Variants in SNTB1 observed in about 807,000 individuals in gnomAD.
SNTB1 encodes the protein syntrophin beta 1.
SNTB1 carries 36 observed loss-of-function variants against 48.9 expected under a neutral mutation model. That is an observed-to-expected ratio of 0.74 (90% CI 0.56 to 0.97). The LOEUF (loss-of-function observed/expected upper bound fraction) is 0.97, where lower values mean the gene tolerates loss of function less well. Among genes scored for constraint, SNTB1 ranks in the 50% least tolerant of loss-of-function variants. SNTB1 has a pLI of 0.00. For synonymous variants in SNTB1, 299 were observed against 294.6 expected (o/e 1.01, Z -0.15); for missense variants, 786 against 703.4 (o/e 1.12, Z -1.33).
chr8:120,609,586 C>A (rs1306611901), intron 3 of SNTB1, among the ~76,000 whole-genome samples: 2 of 152,032 alleles, frequency 1.3e-5, no homozygotes, highest in Non-Finnish European at 2.9e-5. Flanking sequence ...CCAAGCCCTG[C>A]AGAACCACCT....
At chr8:120,613,340 C>A (rs1296566132) in intron 3 of SNTB1, among the ~76,000 whole-genome samples, 1 of 116,932 alleles carries the variant, frequency 8.6e-6, no homozygotes, top group African/African-American at 3.3e-5. Context: ...AACAAGAGTG[C>A]AGCTCCATCT....
At chr8:120,810,473 A>AG (rs933506932) in intron 1 of SNTB1, among the ~76,000 whole-genome samples, 109 of 152,346 alleles carry the variant, frequency 7.2e-4, no homozygotes, top group African/African-American at 2.5e-3. Flanking sequence ...CTTCGCACGC[A>AG]GGGGAAACTG....
At chr8:120,640,034 T>G (rs1015089624) in intron 2 of SNTB1, among the ~76,000 whole-genome samples, 7 of 151,898 alleles carry the variant, frequency 4.6e-5, no homozygotes, top group African/African-American at 1.5e-4. Context: ...TCCATTTGTT[T>G]GTATCCTCTT....
At chr8:120,720,599 C>T (rs560867615) in intron 1 of SNTB1, among the ~76,000 whole-genome samples, 6 of 152,256 alleles carry the variant, frequency 3.9e-5, no homozygotes, top group East Asian at 1.9e-4. Context: ...TGACTTATGG[C>T]GAGAAGTATT....
chr8:120,644,099 T>A (rs1348371468), intron 2 of SNTB1, among the ~76,000 whole-genome samples: 1 of 152,136 alleles, frequency 6.6e-6, no homozygotes, highest in East Asian at 1.9e-4. Context: ...GGGAGAGTTT[T>A]TGAAGCTGTG....
Position 120,538,717 on chromosome 8 carries a change from C to G in SNTB1, c.*160G>C, listed in dbSNP as rs1203786970. 2.8e-6 allele frequency: 2 copies of G among 710,186 alleles called. No homozygotes were observed. The highest frequency in any genetic ancestry group is 2.9e-5 in the South Asian group (2 of 67,902). The allele number at this position is 710,186 out of a possible 1,614,324, so 44.0% of individuals were successfully genotyped here. On this transcript the variant is annotated 3_prime_UTR_variant, in exon 7 of 7. Coordinates refer to ENST00000517992, the MANE Select transcript of SNTB1 (RefSeq NM_021021.4). ...AGGGTATCCCTTGTAGTTGCTGAAA[C>G]TGACAGAGGAGTCTGGGACAGTTAC...
intron 1 of SNTB1, among the ~76,000 whole-genome samples, chr8:120,708,719 C>G (rs908517466): frequency 6.6e-6 from 1 of 152,006 alleles, no homozygotes; most frequent in Non-Finnish European, 1.5e-5. Context: ...TATATGACTA[C>G]TTAAGTGAGG....
intron 1 of SNTB1, among the ~76,000 whole-genome samples, chr8:120,789,969 T>C (rs1819996822): frequency 6.6e-6 from 1 of 151,900 alleles, no homozygotes; most frequent in South Asian, 2.1e-4. Context: ...ATTTGATGAA[T>C]ATAGATACAA....
At chr8:120,602,981 C>A (rs183642554) in intron 3 of SNTB1, among the ~76,000 whole-genome samples, 1 of 151,878 alleles carries the variant, frequency 6.6e-6, no homozygotes, top group African/African-American at 2.4e-5. Flanking sequence ...TTATATACCA[C>A]CATATTATCT....
chr8:120,745,581 G>A (rs1442220711), intron 1 of SNTB1, among the ~76,000 whole-genome samples: 1 of 152,104 alleles, frequency 6.6e-6, no homozygotes, highest in African/African-American at 2.4e-5. Flanking sequence ...CTTGGGAGGA[G>A]CCCTTCCTAG....
chr8:120,677,224 G>A (rs1365896071), intron 2 of SNTB1, among the ~76,000 whole-genome samples: 1 of 152,124 alleles, frequency 6.6e-6, no homozygotes, highest in African/African-American at 2.4e-5. Flanking sequence ...TGTTTTATTT[G>A]TCACTCTTCT....
intron 1 of SNTB1, among the ~76,000 whole-genome samples, chr8:120,744,121 A>ATTTTTTTTGTTTTTTTTTTTTTT (rs1819087126): frequency 7.3e-6 from 1 of 136,106 alleles, no homozygotes; most frequent in Non-Finnish European, 1.6e-5. Context: ...CCCTGTCTCA[A>ATTTTTTTTGTTTTTTTTTTTTTT]TTTTTTTTTT....
intron 2 of SNTB1, chr8:120,635,814 G>A (rs1290133129): frequency 7.4e-6 from 2 of 269,338 alleles, no homozygotes; most frequent in Non-Finnish European, 1.5e-5. Flanking sequence ...CCTAAGAAGA[G>A]TCATATGTAC....
At chr8:120,589,854 A>G (rs1187228435) in intron 3 of SNTB1, among the ~76,000 whole-genome samples, 1 of 152,172 alleles carries the variant, frequency 6.6e-6, no homozygotes, top group Non-Finnish European at 1.5e-5. Context: ...TTCAATATAT[A>G]AATTGTCATG....
At chr8:120,662,197 A>T (rs924108574) in intron 2 of SNTB1, among the ~76,000 whole-genome samples, 1 of 152,238 alleles carries the variant, frequency 6.6e-6, no homozygotes, top group South Asian at 2.1e-4. Context: ...ATTGCTATTT[A>T]AAAAAATCTA....
intron 2 of SNTB1, among the ~76,000 whole-genome samples, chr8:120,661,129 A>G (rs1817581290): frequency 6.6e-6 from 1 of 152,170 alleles, no homozygotes; most frequent in Admixed American, 6.5e-5. Context: ...AAGTGTGCAC[A>G]ATGTGTTGGA....
intron 1 of SNTB1, among the ~76,000 whole-genome samples, chr8:120,736,092 T>C (rs1471663678): frequency 6.6e-6 from 1 of 152,046 alleles, no homozygotes; most frequent in Non-Finnish European, 1.5e-5. Flanking sequence ...GGCACCTTCT[T>C]CACAAGGCGG....
intron 2 of SNTB1, among the ~76,000 whole-genome samples, chr8:120,652,108 C>T (rs1002515089): frequency 6.6e-6 from 1 of 152,142 alleles, no homozygotes; most frequent in African/African-American, 2.4e-5. Flanking sequence ...AGGAGAAGGA[C>T]GGGCCATAGG....
intron 3 of SNTB1, among the ~76,000 whole-genome samples, chr8:120,615,160 A>G (rs1275648139): frequency 2.0e-5 from 3 of 151,202 alleles, no homozygotes; most frequent in South Asian, 4.2e-4. Flanking sequence ...AAAACAAAAC[A>G]AAAAAAACAA....
Sources: allele counts gnomAD v4.1 joint callset (sites outside exome capture counted in the v4.1 genomes callset), GRCh38; gene constraint gnomAD v4.1.1; transcripts MANE v1.5; gene names NCBI Gene and HGNC (gene_info 2026-07-23, HGNC 2026-07-21).